NBEAL1: variants seen among roughly 807,000 people sequenced by gnomAD.
The protein encoded by NBEAL1 is neurobeachin-like protein 1.
In NBEAL1, 273 loss-of-function variants were observed where a neutral mutation model predicts 351.3. The observed-to-expected ratio is 0.78, with a 90% CI of 0.70 to 0.86. The LOEUF (loss-of-function observed/expected upper bound fraction) is 0.86. NBEAL1 is among the 40% of genes least tolerant of loss of function. NBEAL1 has a pLI of 0.00. For synonymous variants in NBEAL1, 1,050 were observed against 1,086.4 expected, an observed-to-expected ratio of 0.97 and a Z score of 0.66; for missense variants, 2,961 against 3,201.3, an observed-to-expected ratio of 0.92 and a Z score of 1.81.
In NBEAL1 at chr2:203,167,228, A is replaced by T. The variant is rs755670950; in HGVS notation, c.5865A>T (p.Gly1955=). The change falls in exon 38 of 56, where the codon GGA becomes GGT. Residue 1955 remains glycine, a splice_region_variant and synonymous_variant. Transcript: ENST00000683969. ...TCACAAGATTTCTTCCGTTTTCAGG[A>T]GTAGGCTTTGATTTCAAGTGGCCTC... ...FYDGSIEKED[G]VGFDFKWPHS... is the part of the protein sequence containing the mutation. The T allele has an allele frequency of 6.2e-7, 1 of 1,608,764 alleles. No homozygotes were observed. The highest frequency in any genetic ancestry group is 8.5e-7 in the Non-Finnish European group (1 of 1,178,250).
intron 23 of NBEAL1, among the ~76,000 whole-genome samples, chr2:203,127,312 C>G (rs887109389): frequency 6.6e-6 from 1 of 152,204 alleles, no homozygotes; most frequent in African/African-American, 2.4e-5. Flanking sequence ...TTCACTGAAA[C>G]TCTTAACTCA....
At chr2:203,064,342 T>G (rs1333417575) in intron 6 of NBEAL1, among the ~76,000 whole-genome samples, 2 of 152,194 alleles carry the variant, frequency 1.3e-5, no homozygotes, top group East Asian at 3.8e-4. Context: ...TGTGAGCCAC[T>G]GCGCCCGGCC....
At chr2:203,129,463 C>T (rs937246626) in intron 24 of NBEAL1, among the ~76,000 whole-genome samples, 1 of 152,070 alleles carries the variant, frequency 6.6e-6, no homozygotes, top group African/African-American at 2.4e-5. Context: ...ATAAGGTTGC[C>T]GCTCAAAAGC....
rs1393804928 is a variant in NBEAL1, at chr2:203,224,197, G to C, written c.*6843G>C. 6.6e-6 allele frequency among the ~76,000 whole-genome samples: 1 copy of C among 151,672 alleles called. No individual in the cohort carries two copies. The highest frequency in any genetic ancestry group is 1.5e-5 in the Non-Finnish European group (1 of 67,800). The stretch of plus-strand genomic sequence containing the variant: ...TTTTTTTCCTATTCTGCTTTTTGCT[G>C]CTCTCAAAGACTGTGATTGATGAAC... On this transcript the variant is annotated 3_prime_UTR_variant, in exon 56 of 56. Transcript: ENST00000683969.
At chr2:203,072,410 G>T (rs1206619706) in intron 7 of NBEAL1, among the ~76,000 whole-genome samples, 64 of 139,372 alleles carry the variant, frequency 4.6e-4, no homozygotes, top group South Asian at 1.6e-3. Context: ...TTGTTTGTTT[G>T]TTTTTTTTTT....
chr2:203,103,236 C>T (rs982718150), intron 12 of NBEAL1, among the ~76,000 whole-genome samples: 1 of 149,860 alleles, frequency 6.7e-6, no homozygotes, highest in Non-Finnish European at 1.5e-5. Flanking sequence ...TTTATTAATT[C>T]TTTCAAAGAA....
chr2:203,175,422 G>T, intron 42 of NBEAL1, 135 bp downstream of exon 42: 1 of 842,372 alleles, frequency 1.2e-6, no homozygotes, highest in South Asian at 1.9e-5. Flanking sequence ...AAATAAACTA[G>T]TTTGAGAATG....
chr2:203,169,801 T>A lies in NBEAL1; in HGVS notation c.6052T>A (p.Tyr2018Asn). The change falls in exon 39 of 56, where the codon TAT becomes AAT. Residue 2018 changes from tyrosine to asparagine, a missense_variant. Tyr to Asn is a moderately radical substitution (Grantham distance 143). Transcript: ENST00000683969. ...GTCACTTCATTCCCCAAATAGTTAT[T>A]ATGGAAGCAGATCACCACAGGAGTT... ...LLSLHSPNSYYGSRSPQELFK... is the reference protein window; with the variant it reads ...LLSLHSPNSYNGSRSPQELFK... 3 of 1,610,794 alleles carry A rather than the reference T, an allele frequency of 1.9e-6. No homozygotes were observed. Among genetic ancestry groups the A allele is most frequent in the Non-Finnish European group, 2.5e-6 (3 of 1,178,326 alleles).
At chr2:203,189,040 G>A (rs1026355844) in intron 45 of NBEAL1, among the ~76,000 whole-genome samples, 2 of 152,184 alleles carry the variant, frequency 1.3e-5, no homozygotes, top group African/African-American at 2.4e-5. Context: ...TAGTTCTAAA[G>A]ATTGTGAATA....
intron 10 of NBEAL1, among the ~76,000 whole-genome samples, chr2:203,089,849 AT>A (rs1291752187): frequency 1.3e-5 from 2 of 152,192 alleles, no homozygotes; most frequent in East Asian, 3.8e-4. Context: ...AGATGAATAA[AT>A]TTACTAAATA....
intron 55 of NBEAL1, among the ~76,000 whole-genome samples, chr2:203,216,703 G>A (rs904074869): frequency 6.6e-6 from 1 of 152,058 alleles, no homozygotes; most frequent in Non-Finnish European, 1.5e-5. Context: ...ACATAACGAG[G>A]CCATTAATTG....
chr2:203,083,875 G>A (rs2061916336), intron 9 of NBEAL1, among the ~76,000 whole-genome samples: 1 of 152,086 alleles, frequency 6.6e-6, no homozygotes, highest in South Asian at 2.1e-4. Flanking sequence ...CACATACAGT[G>A]AATTTTGTAT....
intron 39 of NBEAL1, among the ~76,000 whole-genome samples, chr2:203,171,342 T>C (rs2064312955): frequency 6.6e-6 from 1 of 152,090 alleles, no homozygotes. Flanking sequence ...TGGTGGCATA[T>C]GCCTGTAAAC....
At chr2:203,025,494 A>G (rs2060843179) in intron 2 of NBEAL1, among the ~76,000 whole-genome samples, 1 of 152,154 alleles carries the variant, frequency 6.6e-6, no homozygotes, top group Non-Finnish European at 1.5e-5. Flanking sequence ...TTTCTGCAAA[A>G]TTACGTTGCA....
chr2:203,076,319 C>CA (rs1231860800), intron 7 of NBEAL1, among the ~76,000 whole-genome samples: 1 of 151,278 alleles, frequency 6.6e-6, no homozygotes, highest in Non-Finnish European at 1.5e-5. Flanking sequence ...CCTGTCTCTG[C>CA]AAAAAAATAC....
intron 55 of NBEAL1, among the ~76,000 whole-genome samples, chr2:203,216,654 T>G (rs2065899747): frequency 6.6e-6 from 1 of 152,164 alleles, no homozygotes; most frequent in African/African-American, 2.4e-5. Flanking sequence ...TAATACATAT[T>G]TTTGATAATT....
At chr2:203,150,261 G>A (rs2063614634) in intron 34 of NBEAL1, among the ~76,000 whole-genome samples, 1 of 152,088 alleles carries the variant, frequency 6.6e-6, no homozygotes, top group Non-Finnish European at 1.5e-5. Flanking sequence ...CCTAGTGAGA[G>A]TAAAGTGGTA....
At chr2:203,109,095 G>C (rs2062505054) in intron 14 of NBEAL1, among the ~76,000 whole-genome samples, 1 of 152,152 alleles carries the variant, frequency 6.6e-6, no homozygotes, top group Non-Finnish European at 1.5e-5. Flanking sequence ...GGTGGCTTAC[G>C]CCTGTAATCC....
At chr2:203,030,105 G>A (rs2060926664) in intron 2 of NBEAL1, among the ~76,000 whole-genome samples, 1 of 152,182 alleles carries the variant, frequency 6.6e-6, no homozygotes, top group Admixed American at 6.6e-5. Context: ...CAAGTGTAAG[G>A]CATGACCGAA....
Sources: gnomAD v4.1 joint callset for allele counts (sites outside exome capture counted in the v4.1 genomes callset) on GRCh38, gnomAD v4.1.1 for gene constraint, MANE v1.5 for transcripts, NCBI Gene and HGNC (gene_info 2026-07-23, HGNC 2026-07-21) for gene names.